MAGI2: variants seen among roughly 807,000 people sequenced by gnomAD.
MAGI2 encodes the protein membrane associated guanylate kinase, WW and PDZ domain containing 2.
Under a neutral mutation model 133.3 loss-of-function variants are expected in MAGI2, and 35 were observed. That is an observed-to-expected ratio of 0.26 (90% CI 0.20 to 0.35). The LOEUF is 0.35. Ranked by LOEUF, MAGI2 falls within the 10% of genes least tolerant of loss-of-function variation. The pLI is 1.00. For missense variants in MAGI2, 1,636 were observed against 1,863.4 expected, an observed-to-expected ratio of 0.88 and a Z score of 2.25; for synonymous variants, 729 against 710.6, an observed-to-expected ratio of 1.03 and a Z score of -0.41.
chr7:78,519,423 C>G (rs1479097490), intron 4 of MAGI2, among the ~76,000 whole-genome samples: 1 of 152,110 alleles, frequency 6.6e-6, no homozygotes, highest in Non-Finnish European at 1.5e-5. Flanking sequence ...GGCCACTTGT[C>G]CAGCAGGCTT....
intron 10 of MAGI2, among the ~76,000 whole-genome samples, chr7:78,216,062 G>T (rs1168601637): frequency 6.6e-6 from 1 of 152,244 alleles, no homozygotes; most frequent in Admixed American, 6.5e-5. Flanking sequence ...TGGAGAAAAT[G>T]TAAGAGTGTC....
chr7:79,173,148 C>T (rs1432495043), intron 1 of MAGI2, among the ~76,000 whole-genome samples: 1 of 151,662 alleles, frequency 6.6e-6, no homozygotes, highest in African/African-American at 2.4e-5. Flanking sequence ...TAATAGAAAA[C>T]ATTTTATTCA....
chr7:78,935,768 T>A (rs1438970798), intron 2 of MAGI2, among the ~76,000 whole-genome samples: 1 of 152,116 alleles, frequency 6.6e-6, no homozygotes, highest in East Asian at 1.9e-4. Context: ...CAAAGATCAT[T>A]GACTCTCTGT....
At chr7:78,953,868 T>G (rs1306506352) in intron 2 of MAGI2, among the ~76,000 whole-genome samples, 1 of 152,092 alleles carries the variant, frequency 6.6e-6, no homozygotes, top group Non-Finnish European at 1.5e-5. Flanking sequence ...TTCATCCTCC[T>G]CCTTAAACAC....
intron 10 of MAGI2, among the ~76,000 whole-genome samples, chr7:78,238,188 T>A (rs1420675872): frequency 6.6e-6 from 1 of 152,112 alleles, no homozygotes; most frequent in Non-Finnish European, 1.5e-5. Flanking sequence ...TTTCTCTTCT[T>A]TATTTGCACT....
chr7:78,953,447 G>A (rs992917425), intron 2 of MAGI2, among the ~76,000 whole-genome samples: 4 of 152,034 alleles, frequency 2.6e-5, no homozygotes, highest in African/African-American at 7.2e-5. Context: ...GTGTCTCTGT[G>A]TATGAAATAG....
intron 1 of MAGI2, among the ~76,000 whole-genome samples, chr7:79,244,491 A>G (rs1344009666): frequency 6.6e-6 from 1 of 152,202 alleles, no homozygotes; most frequent in African/African-American, 2.4e-5. Context: ...ATTGGAACTT[A>G]GTGCTGATTT....
chr7:78,941,307 C>A (rs989051322), intron 2 of MAGI2, among the ~76,000 whole-genome samples: 4 of 152,124 alleles, frequency 2.6e-5, no homozygotes, highest in Non-Finnish European at 2.9e-5. Flanking sequence ...TCTTTTGCAA[C>A]AAGACACCTG....
At chr7:78,372,436 G>A (rs1794014618) in intron 6 of MAGI2, among the ~76,000 whole-genome samples, 1 of 152,124 alleles carries the variant, frequency 6.6e-6, no homozygotes, top group Non-Finnish European at 1.5e-5. Context: ...GTCCAATCAG[G>A]CAAGCATGTA....
chr7:78,191,141 C>CA (rs1459665629), intron 12 of MAGI2, among the ~76,000 whole-genome samples: 9 of 151,920 alleles, frequency 5.9e-5, no homozygotes, highest in Admixed American at 5.2e-4. Flanking sequence ...TTGATTAAAA[C>CA]TTTTTTAGGG....
At position 78,557,080 on chromosome 7, in the gene MAGI2, C is replaced by CAAAAAAAAAAAAAAAAAAAAAA. The variant is rs796371005; in HGVS notation, c.539-35436_539-35435insTTTTTTTTTTTTTTTTTTTTTT. On this transcript the variant is annotated intron_variant, in intron 3 of 21. Coordinates refer to ENST00000354212, the MANE Select transcript of MAGI2 (RefSeq NM_012301.4). ...TACTCCAGCCTGGGTGGCAGAGTCT[C>CAAAAAAAAAAAAAAAAAAAAAA]AAAAAAAAAAAAAAAAAAAAGAAAA... Among the ~76,000 whole-genome samples, 31 of 40,904 alleles carry CAAAAAAAAAAAAAAAAAAAAAA rather than the reference C, an allele frequency of 7.6e-4. 1 individual carries two copies. The highest frequency in any genetic ancestry group is 2.8e-3 in the African/African-American group (24 of 8,614). The allele number at this position is 40,904 out of a possible 152,430, so 26.8% of individuals were successfully genotyped here. A position where few individuals can be genotyped will look rare whatever the true frequency, so the allele number is the denominator to read the frequency against.
chr7:79,166,946 G>A (rs75788314), intron 1 of MAGI2, among the ~76,000 whole-genome samples: 221 of 152,094 alleles, frequency 1.5e-3, no homozygotes, highest in African/African-American at 5.1e-3. Context: ...AGGAACTCAC[G>A]TAATTTTTTT....
chr7:78,382,038 T>C (rs1021733999), intron 6 of MAGI2, among the ~76,000 whole-genome samples: 4 of 152,180 alleles, frequency 2.6e-5, no homozygotes, highest in Non-Finnish European at 5.9e-5. Context: ...ATGGAAACAA[T>C]CTAAATACCC....
At chr7:78,183,489 C>T (rs1827388288) in intron 13 of MAGI2, among the ~76,000 whole-genome samples, 1 of 152,050 alleles carries the variant, frequency 6.6e-6, no homozygotes, top group African/African-American at 2.4e-5. Flanking sequence ...TGGTCTCGAT[C>T]TCTTGAACTC....
At chr7:78,569,157 C>G (rs907199493) in intron 3 of MAGI2, among the ~76,000 whole-genome samples, 1 of 151,606 alleles carries the variant, frequency 6.6e-6, no homozygotes, top group East Asian at 1.9e-4. Flanking sequence ...CGTCACTATT[C>G]CTTTGCTTTA....
chr7:78,611,174 T>C (rs1806399556), intron 3 of MAGI2, among the ~76,000 whole-genome samples: 1 of 152,246 alleles, frequency 6.6e-6, no homozygotes, highest in African/African-American at 2.4e-5. Context: ...GTATCCCCTT[T>C]AGAACAACTC....
chr7:78,851,793 A>G (rs1317715646), intron 2 of MAGI2, among the ~76,000 whole-genome samples: 2 of 152,156 alleles, frequency 1.3e-5, no homozygotes, highest in African/African-American at 4.8e-5. Flanking sequence ...AGAATCTGTT[A>G]AACATTCTCT....
At chr7:79,032,197 T>C (rs1810652730) in intron 1 of MAGI2, among the ~76,000 whole-genome samples, 1 of 152,182 alleles carries the variant, frequency 6.6e-6, no homozygotes, top group African/African-American at 2.4e-5. Flanking sequence ...AAATATTCTC[T>C]GTCATTCTTT....
intron 3 of MAGI2, chr7:78,568,406 G>C (rs1316059438): frequency 1.3e-5 from 2 of 152,166 alleles, no homozygotes; most frequent in African/African-American, 4.8e-5. Flanking sequence ...GCTCCACCCA[G>C]AACATTTGAT....
Sources: gnomAD v4.1 joint callset for allele counts (sites outside exome capture counted in the v4.1 genomes callset) on GRCh38, gnomAD v4.1.1 for gene constraint, MANE v1.5 for transcripts, NCBI Gene and HGNC (gene_info 2026-07-23, HGNC 2026-07-21) for gene names.